Variants in SARNP observed in about 807,000 individuals in gnomAD.
SARNP encodes the protein SAP domain-containing ribonucleoprotein.
SARNP carries 5 observed loss-of-function variants against 38.1 expected under a neutral mutation model. The ratio of observed to expected loss-of-function variants is 0.13; its 90% confidence interval spans 0.07 to 0.28. The LOEUF is 0.28. Ranked by LOEUF, SARNP falls within the 10% of genes least tolerant of loss-of-function variation. SARNP has a pLI of 1.00. For missense variants in SARNP, 180 were observed against 243.9 expected, an observed-to-expected ratio of 0.74 and a Z score of 1.75; for synonymous variants, 84 against 80.6, an observed-to-expected ratio of 1.04 and a Z score of -0.23.
intron 9 of SARNP, among the ~76,000 whole-genome samples, chr12:55,775,292 C>T (rs1322131384): frequency 6.8e-6 from 1 of 146,588 alleles, no homozygotes; most frequent in Non-Finnish European, 1.5e-5. Flanking sequence ...AGCATGGTGG[C>T]TCACGCCTGT....
At chr12:55,781,859 C>T (rs1879350450) in intron 9 of SARNP, among the ~76,000 whole-genome samples, 1 of 152,160 alleles carries the variant, frequency 6.6e-6, no homozygotes, top group African/African-American at 2.4e-5. Flanking sequence ...GCTGGGACTA[C>T]CGGCACTCAC....
chr12:55,761,338 C>T (rs1213915903), intron 9 of SARNP, among the ~76,000 whole-genome samples: 1 of 152,136 alleles, frequency 6.6e-6, no homozygotes, highest in Non-Finnish European at 1.5e-5. Flanking sequence ...ACCCAAACTA[C>T]TTGTTGAACA....
At chr12:55,816,820 A>G (rs1880502715) in intron 1 of SARNP, among the ~76,000 whole-genome samples, 2 of 152,180 alleles carry the variant, frequency 1.3e-5, no homozygotes, top group African/African-American at 4.8e-5. Context: ...AAAAACTACC[A>G]AGAGTCTCAT....
chr12:55,758,462 C>T (rs577260091), intron 10 of SARNP, among the ~76,000 whole-genome samples: 1 of 151,928 alleles, frequency 6.6e-6, no homozygotes, highest in Non-Finnish European at 1.5e-5. Flanking sequence ...CTGACCAACA[C>T]GGTAAAACCC....
intron 9 of SARNP, among the ~76,000 whole-genome samples, chr12:55,763,887 G>A (rs1878749444): frequency 6.6e-6 from 1 of 152,150 alleles, no homozygotes; most frequent in African/African-American, 2.4e-5. Context: ...TGGAATCCAG[G>A]ACATTTTACT....
chr12:55,778,690 G>A (rs1340826140), intron 9 of SARNP, among the ~76,000 whole-genome samples: 2 of 152,168 alleles, frequency 1.3e-5, no homozygotes, highest in African/African-American at 4.8e-5. Context: ...TGCTCCAAGA[G>A]GCCAGGTGTG....
intron 9 of SARNP, among the ~76,000 whole-genome samples, chr12:55,761,264 T>C (rs888211397): frequency 2.0e-5 from 3 of 152,120 alleles, no homozygotes; most frequent in South Asian, 4.1e-4. Context: ...TTGAGGGATA[T>C]GGAAAACTGA....
intron 9 of SARNP, among the ~76,000 whole-genome samples, chr12:55,761,002 C>T (rs1878657920): frequency 6.6e-6 from 1 of 151,834 alleles, no homozygotes; most frequent in Admixed American, 6.6e-5. Flanking sequence ...TGATGAAACC[C>T]CATTTCGACT....
chr12:55,805,328 G>A (rs1880107279), intron 1 of SARNP, among the ~76,000 whole-genome samples: 2 of 152,242 alleles, frequency 1.3e-5, no homozygotes, highest in Non-Finnish European at 2.9e-5. Flanking sequence ...GAGTGGGGCG[G>A]GCAGGCAGGG....
downstream of SARNP, chr12:55,755,490 T>C (rs575392902): frequency 1.3e-5 from 2 of 152,278 alleles, no homozygotes; most frequent in South Asian, 4.1e-4. Flanking sequence ...CTTCAGGAAT[T>C]GGAATCAGTT....
intron 9 of SARNP, among the ~76,000 whole-genome samples, chr12:55,772,096 G>C (rs1325176971): frequency 1.3e-5 from 2 of 152,102 alleles, no homozygotes; most frequent in Non-Finnish European, 2.9e-5. Flanking sequence ...CAGAACATAG[G>C]GTGGTCCCAA....
intron 10 of SARNP, among the ~76,000 whole-genome samples, chr12:55,757,784 T>C (rs1194836255): frequency 1.3e-5 from 2 of 152,036 alleles, no homozygotes; most frequent in African/African-American, 4.8e-5. Context: ...GTAAAGAAGA[T>C]TACTGGGGGT....
intron 9 of SARNP, among the ~76,000 whole-genome samples, chr12:55,777,047 G>A (rs1879201478): frequency 6.6e-6 from 1 of 152,186 alleles, no homozygotes. Flanking sequence ...CATCAGTTCT[G>A]ACACGTTAGA....
chr12:55,770,633 G>C (rs984476751), intron 9 of SARNP, among the ~76,000 whole-genome samples: 3 of 152,110 alleles, frequency 2.0e-5, no homozygotes, highest in Non-Finnish European at 4.4e-5. Flanking sequence ...AAGATCAGAT[G>C]CAACAATTGG....
chr12:55,760,814 T>C (rs1565669601), intron 9 of SARNP, 174 bp from the exon 10 acceptor site: 1 of 557,328 alleles, frequency 1.8e-6, no homozygotes, highest in South Asian at 2.6e-5. Flanking sequence ...ATATACTATG[T>C]TGTACCTAGA....
chr12:55,756,955 C>T (rs1878523606), downstream of SARNP: 1 of 152,180 alleles, frequency 6.6e-6, no homozygotes, highest in Non-Finnish European at 1.5e-5. Context: ...CTAATCACTG[C>T]CCTTGTATTT....
intron 9 of SARNP, among the ~76,000 whole-genome samples, chr12:55,770,010 T>C (rs1878958789): frequency 6.6e-6 from 1 of 152,152 alleles, no homozygotes; most frequent in Non-Finnish European, 1.5e-5. Context: ...CCAGAGGTAT[T>C]GAAGTGAGAG....
At chr12:55,796,692 C>T (rs1331345426) in intron 4 of SARNP, among the ~76,000 whole-genome samples, 2 of 152,138 alleles carry the variant, frequency 1.3e-5, no homozygotes, top group Non-Finnish European at 2.9e-5. Context: ...CATCAGCCAC[C>T]GAGCCCAGCC....
intron 5 of SARNP, among the ~76,000 whole-genome samples, chr12:55,795,503 A>C (rs1282268418): frequency 1.3e-5 from 2 of 152,212 alleles, no homozygotes; most frequent in East Asian, 3.8e-4. Flanking sequence ...AAAAGTGATC[A>C]AAGGAATAGC....
Sources: gnomAD v4.1 joint callset for allele counts (sites outside exome capture counted in the v4.1 genomes callset) on GRCh38, gnomAD v4.1.1 for gene constraint, MANE v1.5 for transcripts, NCBI Gene and HGNC (gene_info 2026-07-23, HGNC 2026-07-21) for gene names.